Variants in RARB observed in about 807,000 individuals in gnomAD.
The protein encoded by RARB is retinoic acid receptor beta.
Under a neutral mutation model 51.9 loss-of-function variants are expected in RARB, and 17 were observed. The observed-to-expected ratio is 0.33, with a 90% CI of 0.22 to 0.49. RARB has a LOEUF of 0.49. Ranked by LOEUF, RARB falls within the 20% of genes least tolerant of loss-of-function variation. RARB has a pLI of 0.99. For synonymous variants in RARB, 215 were observed against 195.4 expected (o/e 1.10, Z -0.84); for missense variants, 369 against 550.8 (o/e 0.67, Z 3.30).
chr3:25,520,609 A>T (rs938519046), intron 3 of RARB, among the ~76,000 whole-genome samples: 8 of 152,228 alleles, frequency 5.3e-5, no homozygotes, highest in African/African-American at 1.9e-4. Flanking sequence ...TGCTTTTCTT[A>T]TCTAGAAATT....
At chr3:25,171,223 G>C (rs1267691131) in intron 4 of RARB, among the ~76,000 whole-genome samples, 1 of 151,792 alleles carries the variant, frequency 6.6e-6, no homozygotes. Context: ...TGTTTGCCTT[G>C]CCTGAGGTGG....
intron 5 of RARB, among the ~76,000 whole-genome samples, chr3:25,199,648 A>C (rs1701340426): frequency 6.6e-6 from 1 of 152,040 alleles, no homozygotes; most frequent in Admixed American, 6.6e-5. Flanking sequence ...TCCTGTGTCC[A>C]TGTGTTCTCA....
intron 2 of RARB, among the ~76,000 whole-genome samples, chr3:25,494,913 G>A (rs918398875): frequency 2.0e-5 from 3 of 152,208 alleles, no homozygotes; most frequent in Non-Finnish European, 4.4e-5. Flanking sequence ...CCTGCTATGT[G>A]GCCAGACTGT....
intron 3 of RARB, among the ~76,000 whole-genome samples, chr3:25,111,203 T>G (rs1216303613): frequency 2.6e-5 from 4 of 152,228 alleles, no homozygotes; most frequent in Admixed American, 6.5e-5. Context: ...TATTAAGAGA[T>G]ATATTTATAT....
At chr3:25,008,534 G>A (rs1206017707) in intron 2 of RARB, among the ~76,000 whole-genome samples, 1 of 152,094 alleles carries the variant, frequency 6.6e-6, no homozygotes, top group African/African-American at 2.4e-5. Flanking sequence ...GTCTTTGAAT[G>A]CCTTGACAGG....
chr3:25,192,232 T>A (rs1014941234), intron 5 of RARB, among the ~76,000 whole-genome samples: 2 of 152,140 alleles, frequency 1.3e-5, no homozygotes, highest in Non-Finnish European at 2.9e-5. Context: ...AATTTATACA[T>A]AAGACTGAAG....
chr3:25,518,946 G>C (rs746961252), intron 3 of RARB, among the ~76,000 whole-genome samples: 1 of 152,068 alleles, frequency 6.6e-6, no homozygotes, highest in African/African-American at 2.4e-5. Flanking sequence ...ATCTTGATTT[G>C]GGTGGTGGTT....
chr3:25,445,242 G>A (rs1348136272), intron 1 of RARB, among the ~76,000 whole-genome samples: 2 of 152,002 alleles, frequency 1.3e-5, no homozygotes, highest in South Asian at 2.1e-4. Context: ...GTGCCACCCC[G>A]CCCAGCCAAA....
At chr3:25,027,765 G>A (rs1462023095) in intron 2 of RARB, among the ~76,000 whole-genome samples, 4 of 152,124 alleles carry the variant, frequency 2.6e-5, no homozygotes, top group Admixed American at 6.6e-5. Context: ...TAGAAGAAAG[G>A]TGTGTGAACT....
chr3:25,547,428 A>G (rs1699661597), intron 3 of RARB, among the ~76,000 whole-genome samples: 1 of 152,216 alleles, frequency 6.6e-6, no homozygotes, highest in Non-Finnish European at 1.5e-5. Context: ...AATAATTGCC[A>G]TCTTCCCCCT....
At chr3:25,307,797 A>G (rs752922380) in intron 5 of RARB, among the ~76,000 whole-genome samples, 3 of 152,180 alleles carry the variant, frequency 2.0e-5, no homozygotes, top group Non-Finnish European at 2.9e-5. Context: ...CTCAGTGTCT[A>G]TAGTAGGGGG....
At chr3:25,152,221 G>T (rs961433888) in intron 4 of RARB, among the ~76,000 whole-genome samples, 1 of 152,172 alleles carries the variant, frequency 6.6e-6, no homozygotes, top group Non-Finnish European at 1.5e-5. Context: ...GATGTCGGTA[G>T]AGTTGTTTTT....
At chr3:24,837,650 T>C (rs1427021244) in intron 1 of RARB, among the ~76,000 whole-genome samples, 1 of 152,218 alleles carries the variant, frequency 6.6e-6, no homozygotes, top group African/African-American at 2.4e-5. Context: ...TCAGTACTGA[T>C]TTTGGCCCTT....
chr3:24,941,263 A>G (rs1367414935), intron 2 of RARB, among the ~76,000 whole-genome samples: 2 of 152,176 alleles, frequency 1.3e-5, no homozygotes, highest in African/African-American at 4.8e-5. Flanking sequence ...GAGATATTGG[A>G]CTAACTTTGG....
At chr3:25,492,129 C>A (rs1274820461) in intron 2 of RARB, among the ~76,000 whole-genome samples, 2 of 152,072 alleles carry the variant, frequency 1.3e-5, no homozygotes, top group Non-Finnish European at 2.9e-5. Flanking sequence ...GAAACTTGCT[C>A]CCTGAAAATT....
chr3:25,543,319 T>C (rs987003168), intron 3 of RARB, among the ~76,000 whole-genome samples: 1 of 152,152 alleles, frequency 6.6e-6, no homozygotes, highest in African/African-American at 2.4e-5. Flanking sequence ...CTTAATTAAC[T>C]AGGAGTTGCC....
At chr3:24,851,385 A>G (rs1413083364) in intron 1 of RARB, among the ~76,000 whole-genome samples, 1 of 151,044 alleles carries the variant, frequency 6.6e-6, no homozygotes, top group Non-Finnish European at 1.5e-5. Context: ...CTGTGATTAT[A>G]CCACTGCACT....
At chr3:25,445,100 T>G (rs1258922413) in intron 1 of RARB, among the ~76,000 whole-genome samples, 2 of 151,944 alleles carry the variant, frequency 1.3e-5, no homozygotes, top group Non-Finnish European at 2.9e-5. Flanking sequence ...CAAGCACACA[T>G]GACCACACCT....
chr3:25,337,129 G>A (rs1705086511), intron 5 of RARB, among the ~76,000 whole-genome samples: 1 of 152,142 alleles, frequency 6.6e-6, no homozygotes, highest in Non-Finnish European at 1.5e-5. Context: ...TACTAAATTA[G>A]AAGAGGCAGG....
Sources: allele counts gnomAD v4.1 joint callset (sites outside exome capture counted in the v4.1 genomes callset), GRCh38; gene constraint gnomAD v4.1.1; transcripts MANE v1.5; gene names NCBI Gene and HGNC (gene_info 2026-07-23, HGNC 2026-07-21).